The following TERB2 variants were observed in gnomAD, a reference collection of about 807,000 sequenced individuals.
TERB2 encodes the protein telomere repeats-binding bouquet formation protein 2.
A neutral mutation model predicts 29.8 loss-of-function variants in TERB2; 26 were observed. That is an observed-to-expected ratio of 0.87 (90% CI 0.64 to 1.21). TERB2 has a LOEUF of 1.21. Ranked by LOEUF, TERB2 falls within the 50% of genes most tolerant of loss-of-function variation. TERB2 has a pLI of 0.00. For synonymous variants in TERB2, 80 were observed against 90.8 expected, an observed-to-expected ratio of 0.88 and a Z score of 0.68; for missense variants, 240 against 268.6, an observed-to-expected ratio of 0.89 and a Z score of 0.74.
intron 6 of TERB2, among the ~76,000 whole-genome samples, 171 bp downstream of exon 6, chr15:44,974,126 C>A (rs896794843): frequency 1.3e-5 from 2 of 152,024 alleles, no homozygotes; most frequent in Admixed American, 1.3e-4. Flanking sequence ...CAGAATTGAC[C>A]CAGGAATATG....
At chr15:44,963,333 T>C (rs947318863) in intron 4 of TERB2, among the ~76,000 whole-genome samples, 9 of 152,218 alleles carry the variant, frequency 5.9e-5, no homozygotes, top group African/African-American at 2.2e-4. Context: ...CACAATATTA[T>C]CTGTGTAGTA....
intron 4 of TERB2, among the ~76,000 whole-genome samples, chr15:44,963,804 C>CTTTTTTTTTTTTTTTTT (rs34438861): frequency 1.3e-5 from 1 of 79,166 alleles, no homozygotes; most frequent in African/African-American, 5.6e-5. Flanking sequence ...TTATACTATT[C>CTTTTTTTTTTTTTTTTT]TTTTTTTTTT....
At chr15:44,962,904 A>G (rs1801914097) in intron 4 of TERB2, 1 of 152,312 alleles carries the variant, frequency 6.6e-6, no homozygotes, top group African/African-American at 2.4e-5. Flanking sequence ...CAAAGATGAC[A>G]CGCAAATTCG....
chr15:44,959,026 A>G (rs1891763477), intron 3 of TERB2, among the ~76,000 whole-genome samples: 1 of 152,162 alleles, frequency 6.6e-6, no homozygotes, highest in Admixed American at 6.5e-5. Flanking sequence ...GTCTCTATTT[A>G]TTTTAATAAT....
chr15:44,962,052 ATTGT>A (rs1450745180), intron 4 of TERB2, among the ~76,000 whole-genome samples: 1 of 152,090 alleles, frequency 6.6e-6, no homozygotes, highest in Non-Finnish European at 1.5e-5. Context: ...TTGGTTCGAC[ATTGT>A]TTTATAGTAG....
chr15:44,959,123 CTTCA>C (rs1891764510), intron 3 of TERB2, among the ~76,000 whole-genome samples: 1 of 149,668 alleles, frequency 6.7e-6, no homozygotes, highest in African/African-American at 2.4e-5. Context: ...TTTTGAATCT[CTTCA>C]TTATTTTTCT....
In TERB2 at chr15:44,961,580, A is replaced by C. The variant is rs1470207024; in HGVS notation, c.344A>C (p.Glu115Ala). ...IWEQDQHFLI[E>A]KHDEVTPNEI... ...GAACAAGACCAACATTTTCTGATAG[A>C]AAAGGTAAGAGTAAATTAAGGTACT... The change falls in exon 4 of 7, where the codon GAA (glutamate) becomes GCA (alanine). Residue 115 changes from glutamate to alanine, a missense_variant. Glu to Ala is a moderately radical substitution (Grantham distance 107). Coordinates refer to ENST00000340827, the MANE Select transcript of TERB2 (RefSeq NM_152448.3). 1 of 1,587,528 alleles carries C rather than the reference A, an allele frequency of 6.3e-7. No homozygotes were observed. Among genetic ancestry groups the C allele is most frequent in the East Asian group, 2.3e-5 (1 of 43,824 alleles).
intron 3 of TERB2, among the ~76,000 whole-genome samples, chr15:44,959,598 C>A (rs753268938): frequency 2.6e-5 from 4 of 152,098 alleles, no homozygotes; most frequent in African/African-American, 4.8e-5. Flanking sequence ...GAATTCCTGA[C>A]CTCAAGTGAT....
chr15:44,968,765 C>T (rs1480462789), intron 5 of TERB2, among the ~76,000 whole-genome samples: 2 of 151,646 alleles, frequency 1.3e-5, no homozygotes, highest in Non-Finnish European at 2.9e-5. Context: ...CCACACCTGG[C>T]CTAGAATTTG....
intron 4 of TERB2, chr15:44,963,073 A>G (rs1451921548): frequency 6.6e-6 from 1 of 152,232 alleles, no homozygotes; most frequent in East Asian, 1.9e-4. Context: ...ATATAGAAAG[A>G]AAGATAAAAT....
intron 5 of TERB2, among the ~76,000 whole-genome samples, chr15:44,972,572 G>C (rs1040837087): frequency 2.7e-5 from 4 of 146,598 alleles, no homozygotes; most frequent in African/African-American, 1.0e-4. Context: ...TAGAGTTCCA[G>C]TGGCGCCATC....
chr15:44,962,258 T>G (rs2141239903), intron 4 of TERB2, among the ~76,000 whole-genome samples: 1 of 150,816 alleles, frequency 6.6e-6, no homozygotes, highest in South Asian at 2.1e-4. Context: ...CTCGGCTCAC[T>G]GCAAGCTCCG....
intron 6 of TERB2, among the ~76,000 whole-genome samples, chr15:44,976,658 G>T (rs1371065819): frequency 6.6e-6 from 1 of 152,094 alleles, no homozygotes; most frequent in African/African-American, 2.4e-5. Flanking sequence ...GATCAGTTGG[G>T]GCCACTGGGT....
intron 4 of TERB2, among the ~76,000 whole-genome samples, 164 bp from the exon 5 acceptor site, chr15:44,965,994 G>C (rs1233101126): frequency 1.3e-5 from 2 of 151,972 alleles, no homozygotes; most frequent in Admixed American, 6.6e-5. Flanking sequence ...AAAAAATTTT[G>C]TAAATTTTCT....
At chr15:44,962,055 G>A (rs1891813058) in intron 4 of TERB2, among the ~76,000 whole-genome samples, 1 of 152,012 alleles carries the variant, frequency 6.6e-6, no homozygotes, top group South Asian at 2.1e-4. Context: ...GTTCGACATT[G>A]TTTTATAGTA....
intron 4 of TERB2, 87 bp downstream of exon 4, chr15:44,961,671 C>T: frequency 8.1e-6 from 7 of 859,728 alleles, no homozygotes; most frequent in African/African-American, 1.7e-5. Context: ...TTATTTGTGA[C>T]ATGTTAGCAC....
chr15:44,964,272 A>G (rs1891851799), intron 4 of TERB2, among the ~76,000 whole-genome samples: 1 of 152,108 alleles, frequency 6.6e-6, no homozygotes, highest in African/African-American at 2.4e-5. Flanking sequence ...ATCAACTTAT[A>G]TATTTTATAT....
At chr15:44,973,173 G>A (rs1381338417) in intron 5 of TERB2, among the ~76,000 whole-genome samples, 1 of 152,114 alleles carries the variant, frequency 6.6e-6, no homozygotes, top group Non-Finnish European at 1.5e-5. Context: ...GAGCCACTGC[G>A]CCTCGCCTAG....
intron 5 of TERB2, chr15:44,970,997 C>G (rs1176268252): frequency 2.9e-5 from 5 of 169,500 alleles, no homozygotes; most frequent in Non-Finnish European, 6.3e-5. Context: ...TAATTCTTTT[C>G]TTTAACATAA....
Sources: allele counts gnomAD v4.1 joint callset (sites outside exome capture counted in the v4.1 genomes callset), GRCh38; gene constraint gnomAD v4.1.1; transcripts MANE v1.5; gene names NCBI Gene and HGNC (gene_info 2026-07-23, HGNC 2026-07-21).